LTBP2: variants seen among roughly 807,000 people sequenced by gnomAD.
LTBP2 encodes the protein latent-transforming growth factor beta-binding protein 2.
LTBP2 carries 103 observed loss-of-function variants against 210.6 expected under a neutral mutation model. The ratio of observed to expected loss-of-function variants is 0.49; its 90% CI spans 0.42 to 0.58. The LOEUF (loss-of-function observed/expected upper bound fraction) is 0.58, where lower values mean the gene tolerates loss of function less well. LTBP2 is among the 20% of genes least tolerant of loss of function. The pLI, the probability that LTBP2 is intolerant of heterozygous loss-of-function variation, is 0.00. For missense variants in LTBP2, 2,313 were observed against 2,494.5 expected (o/e 0.93, Z 1.55); for synonymous variants, 1,007 against 1,015.0 (o/e 0.99, Z 0.15).
chr14:74,508,983 C>A, intron 22 of LTBP2, 31 bp from the exon 23 acceptor site: 1 of 1,611,514 alleles, frequency 6.2e-7, no homozygotes, highest in Non-Finnish European at 8.5e-7. Flanking sequence ...GGAAGACAGC[C>A]GATGGCAGCA....
At chr14:74,554,838 GA>G (rs61141210) in intron 4 of LTBP2, among the ~76,000 whole-genome samples, 2,650 of 151,760 alleles carry the variant, frequency 0.017, 93 homozygotes, top group African/African-American at 0.062. Flanking sequence ...TTTTAAAATG[GA>G]AAAAAAAGGA....
At chr14:74,578,731 C>T (rs2088095315) in intron 3 of LTBP2, among the ~76,000 whole-genome samples, 1 of 152,226 alleles carries the variant, frequency 6.6e-6, no homozygotes, top group African/African-American at 2.4e-5. Context: ...TGTCCTGTGT[C>T]CTCCCTGACC....
At chr14:74,567,438 C>A (rs1468182763) in intron 3 of LTBP2, among the ~76,000 whole-genome samples, 1 of 152,200 alleles carries the variant, frequency 6.6e-6, no homozygotes, top group African/African-American at 2.4e-5. Context: ...GCACTGGGCT[C>A]ACACCCGGGC....
chr14:74,525,963 T>G, intron 14 of LTBP2, 112 bp downstream of exon 14: 3 of 1,155,338 alleles, frequency 2.6e-6, no homozygotes, highest in Non-Finnish European at 3.8e-6. Context: ...CTCACCCTCC[T>G]CTGATGTGTG....
At position 74,511,301 on chromosome 14, in the gene LTBP2, G is replaced by A; in HGVS notation, c.2972C>T (p.Ser991Phe). ...CTCCTCACAGGCCAGACAAGTGTAG[G>A]AGCCAGGGGAATTGACGCATCTCCC... ...PDGRCVNSPG[S>F]YTCLACEEGY... The change falls in exon 19 of 36, where the codon TCC becomes TTC. Residue 991 changes from serine to phenylalanine, a missense_variant. By Grantham distance (155) the Ser-to-Phe change is radical. Coordinates refer to ENST00000261978, the MANE Select transcript of LTBP2 (RefSeq NM_000428.3). The A allele has an allele frequency of 6.2e-7, 1 of 1,614,164 alleles. No individual in the cohort carries two copies. Among genetic ancestry groups the A allele is most frequent in the Non-Finnish European group, 8.5e-7 (1 of 1,180,038 alleles).
chr14:74,544,292 G>A (rs1424789839), intron 8 of LTBP2, among the ~76,000 whole-genome samples: 1 of 152,250 alleles, frequency 6.6e-6, no homozygotes, highest in African/African-American at 2.4e-5. Flanking sequence ...TGTGCCGGGT[G>A]CAAGAAGCAG....
chr14:74,515,252 ATTTTTT>A (rs575476350), intron 18 of LTBP2, among the ~76,000 whole-genome samples: 23 of 125,458 alleles, frequency 1.8e-4, no homozygotes, highest in South Asian at 7.7e-4. Flanking sequence ...TATAAATCTG[ATTTTTT>A]TTTTTTTTTT....
At chr14:74,539,514 C>A (rs1463946847) in intron 8 of LTBP2, among the ~76,000 whole-genome samples, 3 of 152,090 alleles carry the variant, frequency 2.0e-5, no homozygotes, top group Non-Finnish European at 4.4e-5. Flanking sequence ...TGAGACCAGC[C>A]CAGGCAACAT....
intron 8 of LTBP2, among the ~76,000 whole-genome samples, chr14:74,540,696 C>T (rs1245094774): frequency 3.6e-5 from 5 of 140,512 alleles, no homozygotes; most frequent in African/African-American, 5.4e-5. Flanking sequence ...ACCCAGGAGG[C>T]GGAGCTTGCA....
chr14:74,606,981 T>C (rs1715148125), intron 1 of LTBP2, among the ~76,000 whole-genome samples: 2 of 152,354 alleles, frequency 1.3e-5, no homozygotes, highest in East Asian at 3.9e-4. Context: ...CTTGGGTATC[T>C]AGAGGTTTCT....
intron 2 of LTBP2, among the ~76,000 whole-genome samples, chr14:74,602,348 G>T (rs1434562410): frequency 6.6e-6 from 1 of 152,212 alleles, no homozygotes; most frequent in African/African-American, 2.4e-5. Flanking sequence ...CGCAGTGTGG[G>T]GCACTAGTAC....
At chr14:74,518,403 T>G (rs2087161560) in intron 17 of LTBP2, among the ~76,000 whole-genome samples, 1 of 152,050 alleles carries the variant, frequency 6.6e-6, no homozygotes, top group Non-Finnish European at 1.5e-5. Flanking sequence ...CGCCCGCACC[T>G]CTCCTACCCT....
At chr14:74,581,182 G>A (rs2088131904) in intron 3 of LTBP2, among the ~76,000 whole-genome samples, 1 of 152,212 alleles carries the variant, frequency 6.6e-6, no homozygotes, top group Non-Finnish European at 1.5e-5. Flanking sequence ...TGATAAGAGG[G>A]AGCTCTTCCA....
At chr14:74,539,697 C>G (rs79923297) in intron 8 of LTBP2, among the ~76,000 whole-genome samples, 4 of 139,984 alleles carry the variant, frequency 2.9e-5, no homozygotes, top group African/African-American at 3.1e-5. Context: ...CAGAGGGAGA[C>G]GGAGACGGAG....
intron 10 of LTBP2, 29 bp from the exon 11 acceptor site, chr14:74,529,151 G>A: frequency 1.3e-6 from 2 of 1,551,004 alleles, no homozygotes; most frequent in South Asian, 2.4e-5. Flanking sequence ...GTGGAGGTGG[G>A]CAGGTGGCCA....
At chr14:74,531,210 G>A (rs955291626) in intron 10 of LTBP2, among the ~76,000 whole-genome samples, 2 of 152,122 alleles carry the variant, frequency 1.3e-5, no homozygotes, top group Admixed American at 6.5e-5. Context: ...GAGAAACTTC[G>A]TGCCACCCCT....
At chr14:74,507,808 T>C (rs1183653192) in intron 25 of LTBP2, among the ~76,000 whole-genome samples, 165 bp downstream of exon 25, 3 of 152,252 alleles carry the variant, frequency 2.0e-5, no homozygotes, top group Non-Finnish European at 4.4e-5. Context: ...TTGTCTTCAT[T>C]TTGTCATCCT....
At chr14:74,501,774 A>C in intron 34 of LTBP2, 184 bp from the exon 35 acceptor site, 1 of 700,610 alleles carries the variant, frequency 1.4e-6, no homozygotes, top group East Asian at 2.7e-5. Flanking sequence ...TGAAAAAAAA[A>C]GTATGTGTCA....
intron 3 of LTBP2, among the ~76,000 whole-genome samples, chr14:74,566,431 C>A (rs2087903300): frequency 6.6e-6 from 1 of 152,238 alleles, no homozygotes; most frequent in South Asian, 2.1e-4. Context: ...CTCCTTCCTG[C>A]GGCTGCAGGG....
Sources: allele counts gnomAD v4.1 joint callset (sites outside exome capture counted in the v4.1 genomes callset), GRCh38; gene constraint gnomAD v4.1.1; transcripts MANE v1.5; gene names NCBI Gene and HGNC (gene_info 2026-07-23, HGNC 2026-07-21).